Variants in MYO3A observed in about 807,000 individuals in gnomAD.
The protein encoded by MYO3A is myosin-IIIa.
MYO3A carries 180 observed loss-of-function variants against 192.7 expected under a neutral mutation model. The observed-to-expected ratio is 0.93, with a 90% CI of 0.83 to 1.06. The LOEUF (loss-of-function observed/expected upper bound fraction) is 1.06, where lower values mean the gene tolerates loss of function less well. MYO3A is among the 50% of genes least tolerant of loss of function. MYO3A has a pLI of 0.00. For missense variants in MYO3A, 1,896 were observed against 1,905.0 expected (o/e 1.00, Z 0.09); for synonymous variants, 628 against 645.3 (o/e 0.97, Z 0.41).
intron 17 of MYO3A, among the ~76,000 whole-genome samples, chr10:26,110,060 G>A (rs1278737864): frequency 6.6e-6 from 1 of 152,188 alleles, no homozygotes; most frequent in Non-Finnish European, 1.5e-5. Context: ...AAGATTGAAT[G>A]CATCCTTAGG....
chr10:26,015,097 A>G (rs1841913969), intron 6 of MYO3A, among the ~76,000 whole-genome samples: 1 of 152,202 alleles, frequency 6.6e-6, no homozygotes, highest in Admixed American at 6.5e-5. Context: ...ATTCCCTAGC[A>G]AAGCAAACGA....
At chr10:26,122,818 A>G (rs1449772811) in intron 18 of MYO3A, among the ~76,000 whole-genome samples, 1 of 152,136 alleles carries the variant, frequency 6.6e-6, no homozygotes. Flanking sequence ...TTTGTTTTAT[A>G]AAGTATTGTG....
chr10:25,985,278 T>C (rs1430403432), intron 4 of MYO3A, among the ~76,000 whole-genome samples: 1 of 142,082 alleles, frequency 7.0e-6, no homozygotes, highest in East Asian at 2.0e-4. Context: ...AGCACAAATA[T>C]ATACAATCTA....
chr10:26,177,963 A>G (rs1349780244), intron 31 of MYO3A, among the ~76,000 whole-genome samples: 6 of 152,200 alleles, frequency 3.9e-5, no homozygotes, highest in African/African-American at 1.4e-4. Flanking sequence ...GCTGACCACA[A>G]ATGGCTCTTT....
At chr10:26,103,798 A>T (rs1165751162) in intron 17 of MYO3A, among the ~76,000 whole-genome samples, 1 of 152,170 alleles carries the variant, frequency 6.6e-6, no homozygotes, top group Non-Finnish European at 1.5e-5. Context: ...ACCATTTTAC[A>T]TTCCCACCAG....
chr10:26,129,343 C>A (rs548486096), intron 20 of MYO3A, among the ~76,000 whole-genome samples: 2 of 152,188 alleles, frequency 1.3e-5, no homozygotes, highest in African/African-American at 4.8e-5. Context: ...AAATTTAAGA[C>A]CTTATCTAGT....
chr10:25,979,564 T>A (rs1326284976), intron 4 of MYO3A, among the ~76,000 whole-genome samples: 1 of 143,062 alleles, frequency 7.0e-6, no homozygotes, highest in Admixed American at 7.1e-5. Context: ...ATTGTCAACA[T>A]ATATGACAGC....
intron 2 of MYO3A, among the ~76,000 whole-genome samples, chr10:25,938,476 G>T (rs1252894667): frequency 6.6e-6 from 1 of 152,134 alleles, no homozygotes; most frequent in Non-Finnish European, 1.5e-5. Flanking sequence ...TCTATGCTGA[G>T]ATCATCCTGG....
chr10:26,157,232 G>T, intron 25 of MYO3A, 78 bp from the exon 26 acceptor site: 1 of 1,261,658 alleles, frequency 7.9e-7, no homozygotes, highest in South Asian at 1.2e-5. Context: ...TGTTATTCTT[G>T]TAGTAAAAAG....
At chr10:26,066,211 AC>A (rs572802514) in intron 10 of MYO3A, among the ~76,000 whole-genome samples, 66 of 152,162 alleles carry the variant, frequency 4.3e-4, no homozygotes, top group African/African-American at 1.5e-3. Context: ...GCAATAAGAA[AC>A]CATTACAGTT....
chr10:25,968,978 G>A (rs1290349491), intron 4 of MYO3A, among the ~76,000 whole-genome samples: 5 of 152,278 alleles, frequency 3.3e-5, no homozygotes, highest in African/African-American at 1.2e-4. Context: ...GGTGGCTCAC[G>A]CCTGTAATCC....
At chr10:26,081,307 T>C (rs1835943583) in intron 14 of MYO3A, among the ~76,000 whole-genome samples, 1 of 152,014 alleles carries the variant, frequency 6.6e-6, no homozygotes, top group South Asian at 2.1e-4. Context: ...GGATTATTGC[T>C]GCTTCTGCTG....
At chr10:26,037,924 C>G (rs1266357000) in intron 10 of MYO3A, among the ~76,000 whole-genome samples, 1 of 152,152 alleles carries the variant, frequency 6.6e-6, no homozygotes, top group Non-Finnish European at 1.5e-5. Context: ...GGTCCCTCCC[C>G]CCAACATTAG....
At chr10:26,070,082 C>G in intron 12 of MYO3A, 29 bp from the exon 13 acceptor site, 2 of 1,512,788 alleles carry the variant, frequency 1.3e-6, no homozygotes, top group Non-Finnish European at 1.8e-6. Context: ...ACAAAAAGCC[C>G]TACAAAATGT....
rs3824696 is a variant in MYO3A at position 26,067,108 on chromosome 10, C to T, written c.1053+34C>T. 678,910 of 1,348,962 alleles carry T rather than the reference C, an allele frequency of 0.5. 176,019 individuals carry two copies. Among genetic ancestry groups the T allele is most frequent in the Middle Eastern group, 0.56 (3,080 of 5,546 alleles). The allele number at this position is 1,348,962 out of a possible 1,614,324, so 83.6% of individuals were successfully genotyped here. ...TTCAGTTTAATTAAACTTAGACATT[C>T]CAGATGTTTTGTTAATTTATAGAAG... On this transcript the variant is annotated intron_variant, in intron 11 of 34. Coordinates refer to ENST00000642920, the MANE Select transcript of MYO3A (RefSeq NM_017433.5).
chr10:26,145,341 T>G, intron 21 of MYO3A, 105 bp from the exon 22 acceptor site: 1 of 761,042 alleles, frequency 1.3e-6, no homozygotes, highest in Non-Finnish European at 2.3e-6. Context: ...TATGTAAAAT[T>G]TTCTTTGTTC....
At chr10:26,114,134 C>T (rs1216354934) in intron 17 of MYO3A, among the ~76,000 whole-genome samples, 1 of 152,150 alleles carries the variant, frequency 6.6e-6, no homozygotes, top group Admixed American at 6.6e-5. Context: ...TGTCCTTTCT[C>T]AACAGGAGCA....
At chr10:26,134,476 G>A (rs1318065746) in intron 20 of MYO3A, among the ~76,000 whole-genome samples, 4 of 55,274 alleles carry the variant, frequency 7.2e-5, no homozygotes, top group South Asian at 6.9e-4. Context: ...TATTATCACT[G>A]TTTTTTAGAA....
At chr10:26,093,295 C>T (rs1836815035) in intron 15 of MYO3A, among the ~76,000 whole-genome samples, 2 of 152,178 alleles carry the variant, frequency 1.3e-5, no homozygotes, top group African/African-American at 4.8e-5. Flanking sequence ...AGTGCACAGT[C>T]AGTGTGCTTC....
Sources: gnomAD v4.1 joint callset for allele counts (sites outside exome capture counted in the v4.1 genomes callset) on GRCh38, gnomAD v4.1.1 for gene constraint, MANE v1.5 for transcripts, NCBI Gene and HGNC (gene_info 2026-07-23, HGNC 2026-07-21) for gene names.